Variants in GPR137B observed in about 807,000 individuals in gnomAD.
GPR137B encodes integral membrane protein GPR137B.
Under a neutral mutation model 42.5 loss-of-function variants are expected in GPR137B, and 42 were observed. That is an observed-to-expected ratio of 0.99 (90% confidence interval 0.77 to 1.28). The LOEUF is 1.28. Among genes scored for constraint, GPR137B ranks in the 50% most tolerant of loss-of-function variants. The pLI is 0.00. For synonymous variants in GPR137B, 218 were observed against 209.7 expected, an observed-to-expected ratio of 1.04 and a Z score of -0.34; for missense variants, 487 against 493.9, an observed-to-expected ratio of 0.99 and a Z score of 0.13.
intron 2 of GPR137B, 152 bp downstream of exon 2, chr1:236,168,907 A>G: frequency 1.5e-6 from 1 of 675,950 alleles, no homozygotes; most frequent in South Asian, 1.7e-5. Flanking sequence ...TGTGCACATC[A>G]TGTGCATTGC....
chr1:236,181,097 G>T (rs1041689782), intron 4 of GPR137B, among the ~76,000 whole-genome samples: 1 of 151,890 alleles, frequency 6.6e-6, no homozygotes, highest in Non-Finnish European at 1.5e-5. Context: ...AATGGAGCAC[G>T]TACACAGCAT....
intron 5 of GPR137B, among the ~76,000 whole-genome samples, chr1:236,192,957 T>C (rs1423591186): frequency 2.0e-5 from 3 of 151,980 alleles, no homozygotes; most frequent in Admixed American, 1.3e-4. Context: ...TGGAGTGGGG[T>C]GATCTCAGCT....
chr1:236,152,675 A>G (rs1435689372), intron 1 of GPR137B, among the ~76,000 whole-genome samples: 1 of 151,988 alleles, frequency 6.6e-6, no homozygotes, highest in African/African-American at 2.4e-5. Context: ...AATTGCTTGA[A>G]TCCGGGAGGC....
chr1:236,166,793 C>T (rs1446144532), intron 1 of GPR137B, among the ~76,000 whole-genome samples: 2 of 151,938 alleles, frequency 1.3e-5, no homozygotes, highest in African/African-American at 2.4e-5. Flanking sequence ...GCCATTGTGC[C>T]TGGCCGTCAT....
chr1:236,197,301 CAT>C (rs1663367504), intron 5 of GPR137B, among the ~76,000 whole-genome samples: 1 of 152,064 alleles, frequency 6.6e-6, no homozygotes, highest in African/African-American at 2.4e-5. Flanking sequence ...TTGCTGGATG[CAT>C]AGTCTGTGAA....
chr1:236,184,231 A>G (rs1345650209), intron 5 of GPR137B, among the ~76,000 whole-genome samples: 1 of 152,216 alleles, frequency 6.6e-6, no homozygotes, highest in Non-Finnish European at 1.5e-5. Flanking sequence ...CAAGTATAGA[A>G]GCTTCTCTCA....
At chr1:236,167,845 A>G (rs1033163471) in intron 1 of GPR137B, among the ~76,000 whole-genome samples, 1 of 152,102 alleles carries the variant, frequency 6.6e-6, no homozygotes, top group African/African-American at 2.4e-5. Context: ...ATGCGTGGAC[A>G]CCTACCTTCT....
intron 1 of GPR137B, among the ~76,000 whole-genome samples, chr1:236,159,134 G>C (rs1022990710): frequency 6.6e-6 from 1 of 151,544 alleles, no homozygotes; most frequent in Admixed American, 6.6e-5. Flanking sequence ...AATGTAGGGA[G>C]ACATCATCTC....
At chr1:236,161,079 A>G (rs1035965741) in intron 1 of GPR137B, among the ~76,000 whole-genome samples, 1 of 151,356 alleles carries the variant, frequency 6.6e-6, no homozygotes, top group Non-Finnish European at 1.5e-5. Flanking sequence ...TCACCCTCCA[A>G]TTCCCCGCCA....
At chr1:236,159,534 A>G (rs1053800962) in intron 1 of GPR137B, among the ~76,000 whole-genome samples, 2 of 151,802 alleles carry the variant, frequency 1.3e-5, no homozygotes, top group African/African-American at 4.8e-5. Context: ...TGAGCCAGGC[A>G]TGGTGGCGGG....
chr1:236,196,092 A>G (rs1663323847), intron 5 of GPR137B, among the ~76,000 whole-genome samples: 1 of 151,308 alleles, frequency 6.6e-6, no homozygotes, highest in African/African-American at 2.4e-5. Context: ...CTATTTTTCC[A>G]TTTTGCTTTG....
chr1:236,164,861 G>C (rs934882807), intron 1 of GPR137B, among the ~76,000 whole-genome samples: 1 of 151,424 alleles, frequency 6.6e-6, no homozygotes, highest in Non-Finnish European at 1.5e-5. Flanking sequence ...TCTCAGCACA[G>C]CTTGAATAGT....
rs943809343 is a variant in GPR137B, at chr1:236,150,171, C to T, written c.414+7135C>T. The stretch of plus-strand genomic sequence containing the variant: ...TGTTTGTGTCTGTGCATGTGTGTGC[C>T]CGTTTGTGTTTGTGTGTGTCTGTGT... On this transcript the variant is annotated intron_variant, in intron 1 of 6. Transcript: ENST00000366592. The surrounding 1 kb of genome is among the most constrained non-coding windows in gnomAD (Gnocchi z 6.2). Among the ~76,000 whole-genome samples the T allele has an allele frequency of 1.4e-5, 2 of 140,124 alleles. No homozygotes were observed. Among genetic ancestry groups the T allele is most frequent in the African/African-American group, 5.4e-5 (2 of 36,840 alleles). The allele number at this position is 140,124 out of a possible 152,430, so 91.9% of individuals were successfully genotyped here.
intron 1 of GPR137B, among the ~76,000 whole-genome samples, chr1:236,154,153 G>A (rs1319054252): frequency 2.0e-5 from 3 of 152,208 alleles, no homozygotes; most frequent in African/African-American, 7.2e-5. Context: ...GGTTTTGTGT[G>A]TGGAAGCCCC....
In GPR137B at chr1:236,156,881, G is replaced by A. The variant is rs1171264430; in HGVS notation, c.415-11825G>A. On this transcript the variant is annotated intron_variant, in intron 1 of 6. Coordinates refer to ENST00000366592, the MANE Select transcript of GPR137B (RefSeq NM_003272.4). This position sits in a 1 kb window ranked among gnomAD's most constrained non-coding sequence, Gnocchi z 4.8. ...CGTCAGTGGTTCTTAACCTTTTTCAGTATGAAAGTTCCTTTTATGGTTAGG... is the reference window on the plus strand; with the variant it reads ...CGTCAGTGGTTCTTAACCTTTTTCAATATGAAAGTTCCTTTTATGGTTAGG... Among the ~76,000 whole-genome samples, 1 of 152,196 alleles carries A rather than the reference G, an allele frequency of 6.6e-6. No homozygotes were observed. Among genetic ancestry groups the A allele is most frequent in the Non-Finnish European group, 1.5e-5 (1 of 68,042 alleles).
chr1:236,205,173 T>C lies in GPR137B; in HGVS notation c.1014T>C (p.Tyr338=), dbSNP rs1663618746. 2 of 1,613,196 alleles carry C rather than the reference T, an allele frequency of 1.2e-6. No individual in the cohort carries two copies. Among genetic ancestry groups the C allele is most frequent in the Admixed American group, 1.7e-5 (1 of 60,012 alleles). The stretch of plus-strand genomic sequence containing the variant: ...GCCATGGATTCAGTCCCAGATCTTA[T>C]TTCTTTGACAACCCTCGAAGATATG... The part of the protein sequence containing the change: ...VPSHGFSPRS[Y]FFDNPRRYDS... Residue 338 remains tyrosine, a synonymous_variant, in exon 6 of 7, where the codon TAT becomes TAC. Coordinates refer to ENST00000366592, the MANE Select transcript of GPR137B (RefSeq NM_003272.4).
intron 6 of GPR137B, among the ~76,000 whole-genome samples, chr1:236,207,476 A>G (rs576084675): frequency 6.6e-6 from 1 of 152,308 alleles, no homozygotes; most frequent in South Asian, 2.1e-4. Context: ...CCTGCCAGAA[A>G]TGACTTAGAG....
intron 1 of GPR137B, among the ~76,000 whole-genome samples, chr1:236,146,030 G>A (rs1375338243): frequency 6.6e-6 from 1 of 152,044 alleles, no homozygotes; most frequent in Non-Finnish European, 1.5e-5. Flanking sequence ...GCTAATTTTT[G>A]TATTTTTAGT....
chr1:236,204,419 A>G (rs1433358791), intron 5 of GPR137B, among the ~76,000 whole-genome samples: 1 of 152,204 alleles, frequency 6.6e-6, no homozygotes, highest in Non-Finnish European at 1.5e-5. Flanking sequence ...CCATGAGTGT[A>G]GAAGTACTCC....
Sources: gnomAD v4.1 joint callset for allele counts (sites outside exome capture counted in the v4.1 genomes callset) on GRCh38, gnomAD v4.1.1 for gene constraint, Gnocchi (gnomAD v3.1) non-coding constraint, MANE v1.5 for transcripts, NCBI Gene and HGNC (gene_info 2026-07-23, HGNC 2026-07-21) for gene names.